Variants in RGS7 observed in about 807,000 individuals in gnomAD.
RGS7 encodes regulator of G-protein signaling 7.
A neutral mutation model predicts 81.1 loss-of-function variants in RGS7; 27 were observed. The observed-to-expected ratio is 0.33, with a 90% CI of 0.25 to 0.46. RGS7 has a LOEUF of 0.46. RGS7 is among the 20% of genes least tolerant of loss of function. RGS7 has a pLI of 1.00. For missense variants in RGS7, 396 were observed against 607.4 expected, an observed-to-expected ratio of 0.65 and a Z score of 3.66; for synonymous variants, 208 against 207.7, an observed-to-expected ratio of 1.00 and a Z score of -0.01.
At chr1:241,207,119 C>G (rs1283290745) in intron 2 of RGS7, among the ~76,000 whole-genome samples, 2 of 151,594 alleles carry the variant, frequency 1.3e-5, no homozygotes, top group African/African-American at 2.4e-5. Context: ...CAGGTGCCCA[C>G]CACCACGCCC....
chr1:241,188,348 T>C lies in RGS7; in HGVS notation c.79-89586A>G, dbSNP rs184156604. ...AGACCTTAAACAATTATACAGAAAGTTGTCTACAAGGATGTTAAGAGTAAT... is the reference window on the plus strand; with the variant it reads ...AGACCTTAAACAATTATACAGAAAGCTGTCTACAAGGATGTTAAGAGTAAT... On this transcript the variant is annotated intron_variant, in intron 2 of 18. Transcript: ENST00000440928. Among the ~76,000 whole-genome samples the C allele has an allele frequency of 3.7e-5, 4 of 108,908 alleles. No homozygotes were observed. In the East Asian group the frequency reaches 1.0e-3, roughly 28 times the overall value. The allele number at this position is 108,908 out of a possible 152,430, so 71.4% of individuals were successfully genotyped here.
At chr1:241,186,072 T>C (rs2072068654) in intron 2 of RGS7, among the ~76,000 whole-genome samples, 1 of 152,100 alleles carries the variant, frequency 6.6e-6, no homozygotes, top group Non-Finnish European at 1.5e-5. Context: ...GACAAATTTC[T>C]AGCCAGATTG....
intron 9 of RGS7, among the ~76,000 whole-genome samples, chr1:240,859,175 TA>T (rs57988528): frequency 0.012 from 1,866 of 152,270 alleles, 43 homozygotes; most frequent in African/African-American, 0.042. Flanking sequence ...TACTGTTTTT[TA>T]AATTTTTGAG....
intron 3 of RGS7, among the ~76,000 whole-genome samples, chr1:241,053,445 A>G (rs2061345886): frequency 1.3e-5 from 2 of 152,226 alleles, no homozygotes; most frequent in Non-Finnish European, 2.9e-5. Context: ...AAAGTCATAA[A>G]GCTAATTTTG....
At position 241,165,816 on chromosome 1, in the gene RGS7, A is replaced by G. The variant is rs185627593; in HGVS notation, c.79-67054T>C. On this transcript the variant is annotated intron_variant, in intron 2 of 18. Coordinates refer to ENST00000440928, the MANE Select transcript of RGS7 (RefSeq NM_001364886.1). Reference sequence around the variant, plus strand: ...AAAAAAAAAAACCAGCCCTGAAAAAAAAAAAGAAAGAAAAAGACAACCTGG... The same window carrying G: ...AAAAAAAAAAACCAGCCCTGAAAAAGAAAAAGAAAGAAAAAGACAACCTGG... 1.5e-4 allele frequency among the ~76,000 whole-genome samples: 23 copies of G among 152,166 alleles called. No individual in the cohort carries two copies. In the East Asian group the frequency reaches 4.1e-3, roughly 27 times the overall value.
intron 4 of RGS7, among the ~76,000 whole-genome samples, chr1:240,941,715 G>A (rs895317268): frequency 6.6e-6 from 1 of 151,734 alleles, no homozygotes; most frequent in Non-Finnish European, 1.5e-5. Context: ...TATTGTTAGG[G>A]ACAAACATGG....
intron 6 of RGS7, among the ~76,000 whole-genome samples, chr1:240,883,619 G>C (rs1201289262): frequency 2.0e-5 from 3 of 152,188 alleles, no homozygotes; most frequent in Non-Finnish European, 4.4e-5. Flanking sequence ...CATTCACAGA[G>C]TGGCAAATTC....
At chr1:241,262,576 C>A (rs4660048) in intron 2 of RGS7, among the ~76,000 whole-genome samples, 111,143 of 152,076 alleles carry the variant, frequency 0.73, 40,667 homozygotes, top group Admixed American at 0.83. Context: ...TTAACCTCTG[C>A]ATCAATAGTT....
chr1:241,202,843 C>A (rs1416121478), intron 2 of RGS7, among the ~76,000 whole-genome samples: 2 of 151,968 alleles, frequency 1.3e-5, no homozygotes, highest in Non-Finnish European at 2.9e-5. Context: ...CTATGACCCG[C>A]CTTCAGGAAG....
intron 2 of RGS7, among the ~76,000 whole-genome samples, chr1:241,324,724 T>C (rs1022884031): frequency 6.6e-6 from 1 of 152,226 alleles, no homozygotes; most frequent in Non-Finnish European, 1.5e-5. Context: ...TCCTTCCTCA[T>C]ATCTATTCAT....
chr1:240,774,824 C>A (rs1325706360), downstream of RGS7, among the ~76,000 whole-genome samples: 3 of 152,144 alleles, frequency 2.0e-5, no homozygotes, highest in Admixed American at 1.3e-4. Context: ...TAGATTCAAG[C>A]AACCTTCCAA....
At chr1:241,305,522 T>A (rs1440717033) in intron 2 of RGS7, 1 of 148,390 alleles carries the variant, frequency 6.7e-6, no homozygotes, top group African/African-American at 2.5e-5. Flanking sequence ...AAACTACTCT[T>A]CCCATCTTTT....
chr1:241,210,061 T>C (rs1268842192), intron 2 of RGS7, among the ~76,000 whole-genome samples: 1 of 152,154 alleles, frequency 6.6e-6, no homozygotes, highest in African/African-American at 2.4e-5. Flanking sequence ...AAAGCTTCTC[T>C]AACTGCACTT....
At chr1:241,349,989 C>A (rs1443338970) in intron 2 of RGS7, among the ~76,000 whole-genome samples, 1 of 152,176 alleles carries the variant, frequency 6.6e-6, no homozygotes, top group Admixed American at 6.5e-5. Context: ...CTCTTTTGCA[C>A]ATTTGCACTT....
At chr1:240,975,000 C>T (rs1473201172) in intron 4 of RGS7, among the ~76,000 whole-genome samples, 1 of 152,034 alleles carries the variant, frequency 6.6e-6, no homozygotes, top group African/African-American at 2.4e-5. Flanking sequence ...CTGCAAAGCT[C>T]ATGACCCTCT....
In RGS7 at chr1:241,201,988, C is replaced by G. The variant is rs116515156; in HGVS notation, c.79-103226G>C. On this transcript the variant is annotated intron_variant, in intron 2 of 18. Transcript: ENST00000440928. ...TCTATTTCAGCCCACTACCTCAACC[C>G]TGCAAACACACAGACACACACAGAC... 3.5e-3 allele frequency among the ~76,000 whole-genome samples: 413 copies of G among 118,314 alleles called. 2 individuals carry two copies. The highest frequency in any genetic ancestry group is 0.016 in the African/African-American group (406 of 25,680). The allele number at this position is 118,314 out of a possible 152,430, so 77.6% of individuals were successfully genotyped here.
At chr1:241,346,003 G>C (rs924602451) in intron 2 of RGS7, among the ~76,000 whole-genome samples, 2 of 151,770 alleles carry the variant, frequency 1.3e-5, no homozygotes, top group African/African-American at 4.9e-5. Context: ...GATGGAGCGA[G>C]AGTCCGTCTC....
At position 241,164,253 on chromosome 1, in the gene RGS7, G is replaced by A. The variant is rs145414259; in HGVS notation, c.79-65491C>T. On this transcript the variant is annotated intron_variant, in intron 2 of 18. Transcript: ENST00000440928. This position sits in a 1 kb window ranked among gnomAD's most constrained non-coding sequence, Gnocchi z 4.1. ...CTGCCACATGTTCAGCTATCCAGAA[G>A]CTCTCAGAACCCTATCCTCTTTTTT... Among the ~76,000 whole-genome samples the A allele has an allele frequency of 2.0e-4, 28 of 142,872 alleles. No homozygotes were observed. The East Asian group carries it at 2.9e-3, about 15-fold the overall frequency. 93.7% of individuals were successfully genotyped at this position (142,872 alleles called of 152,430 possible). A position where few individuals can be genotyped will look rare whatever the true frequency, so the allele number is the denominator to read the frequency against.
rs1572783826 is a variant in RGS7 at position 241,122,910 on chromosome 1, C to T, written c.79-24148G>A. Among the ~76,000 whole-genome samples, 4 of 152,192 alleles carry T rather than the reference C, an allele frequency of 2.6e-5. No homozygotes were observed. In the South Asian group the frequency reaches 8.3e-4, roughly 32 times the overall value. On this transcript the variant is annotated intron_variant, in intron 2 of 18. Coordinates refer to ENST00000440928, the MANE Select transcript of RGS7 (RefSeq NM_001364886.1). ...TTCTACTGAATGTGTATCTCTTTCACACCACGGTATAGTTGAAAAATCCTA... is the reference window on the plus strand; with the variant it reads ...TTCTACTGAATGTGTATCTCTTTCATACCACGGTATAGTTGAAAAATCCTA...
Sources: allele counts gnomAD v4.1 joint callset (sites outside exome capture counted in the v4.1 genomes callset), GRCh38; gene constraint gnomAD v4.1.1; non-coding constraint Gnocchi (gnomAD v3.1); transcripts MANE v1.5; gene names NCBI Gene and HGNC (gene_info 2026-07-23, HGNC 2026-07-21).